BCR: variants seen among roughly 807,000 people sequenced by gnomAD.
BCR encodes breakpoint cluster region protein.
In BCR, 58 loss-of-function variants were observed where a neutral mutation model predicts 138.6. The observed-to-expected ratio is 0.42, with a 90% confidence interval of 0.34 to 0.52. The LOEUF is 0.52. Ranked by LOEUF, BCR falls within the 20% of genes least tolerant of loss-of-function variation. The pLI, the probability that BCR is intolerant of heterozygous loss-of-function variation, is 0.06. For missense variants in BCR, 1,599 were observed against 1,727.2 expected (o/e 0.93, Z 1.32); for synonymous variants, 786 against 730.1 (o/e 1.08, Z -1.23).
At chr22:23,185,964 C>G (rs1371554311) in intron 1 of BCR, among the ~76,000 whole-genome samples, 1 of 151,938 alleles carries the variant, frequency 6.6e-6, no homozygotes, top group Non-Finnish European at 1.5e-5. Flanking sequence ...CTTCTGACCT[C>G]GGGTTCCGCC....
intron 1 of BCR, among the ~76,000 whole-genome samples, chr22:23,204,869 G>T (rs1239766296): frequency 6.6e-6 from 1 of 152,204 alleles, no homozygotes; most frequent in Non-Finnish European, 1.5e-5. Context: ...GCAGGTGGTT[G>T]GCAGCAGGAG....
chr22:23,309,308 G>A (rs917552409), intron 16 of BCR, 116 bp from the exon 17 acceptor site: 20 of 926,018 alleles, frequency 2.2e-5, no homozygotes, highest in African/African-American at 9.9e-5. Flanking sequence ...GGTGCTGGCC[G>A]CAGTCGGGCT....
intron 1 of BCR, among the ~76,000 whole-genome samples, chr22:23,228,410 G>A (rs1267915553): frequency 6.6e-6 from 1 of 152,138 alleles, no homozygotes; most frequent in Non-Finnish European, 1.5e-5. Flanking sequence ...TTTTCCAGGT[G>A]TCATTCTGTT....
chr22:23,253,498 G>C (rs1443658167), intron 1 of BCR, among the ~76,000 whole-genome samples: 4 of 152,200 alleles, frequency 2.6e-5, no homozygotes, highest in Non-Finnish European at 5.9e-5. Flanking sequence ...CTGCATGCCA[G>C]GAAAGTAGAG....
At chr22:23,263,697 C>A in intron 4 of BCR, 2 of 1,395,600 alleles carry the variant, frequency 1.4e-6, no homozygotes, top group Non-Finnish European at 2.0e-6. Context: ...ACAGCACCTT[C>A]GCTGCCAAGT....
At position 23,181,582 on chromosome 22, in the gene BCR, A is replaced by C. The variant is rs1398578616; in HGVS notation, c.622A>C (p.Met208Leu). The C allele has an allele frequency of 6.2e-7, 1 of 1,612,748 alleles. No homozygotes were observed. The highest frequency in any genetic ancestry group is 8.5e-7 in the Non-Finnish European group (1 of 1,179,988). The change falls in exon 1 of 23, where the codon ATG becomes CTG. Residue 208 changes from methionine to leucine, a missense_variant. Coordinates refer to ENST00000305877, the MANE Select transcript of BCR (RefSeq NM_004327.4). ...DRISSLGSQA[M>L]QMERKKSQHG... ...CATCAGCTCCCTGGGCAGCCAGGCC[A>C]TGCAGATGGAGCGCAAAAAGTCCCA...
chr22:23,227,475 A>G lies in BCR; in HGVS notation c.1280-26324A>G, dbSNP rs187821583. On this transcript the variant is annotated intron_variant, in intron 1 of 22. Coordinates refer to ENST00000305877, the MANE Select transcript of BCR (RefSeq NM_004327.4). Reference sequence around the variant, plus strand: ...CATCCTGTAGGACATAAGGAAGAACATCTTGACTGTAAGCATGGTTAAACA... The same window carrying G: ...CATCCTGTAGGACATAAGGAAGAACGTCTTGACTGTAAGCATGGTTAAACA... Among the ~76,000 whole-genome samples the G allele has an allele frequency of 2.6e-5, 4 of 152,378 alleles. No individual in the cohort carries two copies. In the East Asian group the frequency reaches 7.7e-4, roughly 29 times the overall value.
chr22:23,191,164 C>CA (rs1661357160), intron 1 of BCR, among the ~76,000 whole-genome samples: 1 of 152,190 alleles, frequency 6.6e-6, no homozygotes, highest in Non-Finnish European at 1.5e-5. Flanking sequence ...CTCCTGGCCT[C>CA]AAACGATCCT....
intron 1 of BCR, among the ~76,000 whole-genome samples, chr22:23,230,935 A>T (rs1178282425): frequency 2.6e-5 from 4 of 152,122 alleles, no homozygotes; most frequent in Non-Finnish European, 4.4e-5. Context: ...CCACAGGTGG[A>T]GTAGAGGGCA....
Position 23,181,886 on chromosome 22 carries a change from T to C in BCR, c.926T>C (p.Leu309Pro), listed in dbSNP as rs574384780. 1 of 1,613,388 alleles carries C rather than the reference T, an allele frequency of 6.2e-7. No individual in the cohort carries two copies. The highest frequency in any genetic ancestry group is 8.5e-7 in the Non-Finnish European group (1 of 1,179,932). ...SQSTSEQEKR[L>P]TWPRRSYSPR... ...AGCACCTCTGAGCAGGAGAAGCGCC[T>C]TACCTGGCCCCGCAGGTCCTACTCC... is the stretch of plus-strand genomic sequence containing the variant. The change falls in exon 1 of 23, where the codon CTT (leucine) becomes CCT (proline). Residue 309 changes from leucine (L) to proline (P), a missense_variant. By Grantham distance (98) the Leu-to-Pro change is moderately conservative. Coordinates refer to ENST00000305877, the MANE Select transcript of BCR (RefSeq NM_004327.4).
intron 1 of BCR, among the ~76,000 whole-genome samples, chr22:23,192,961 C>G (rs2072433835): frequency 6.6e-6 from 1 of 152,132 alleles, no homozygotes. Context: ...CAGGACACAG[C>G]CAAGGGGACC....
At chr22:23,238,215 GAGGT>G (rs2073047440) in intron 1 of BCR, among the ~76,000 whole-genome samples, 1 of 152,084 alleles carries the variant, frequency 6.6e-6, no homozygotes, top group Non-Finnish European at 1.5e-5. Context: ...GAAAGCCTTG[GAGGT>G]AGGGTGGGGG....
Position 23,288,163 on chromosome 22 carries a change from CAGA to C in BCR, c.2599_2601del (p.Lys867del), listed in dbSNP as rs749914877. 9 of 1,613,868 alleles carry C rather than the reference CAGA, an allele frequency of 5.6e-6. No individual in the cohort carries two copies. Among genetic ancestry groups the C allele is most frequent in the South Asian group, 1.1e-5 (1 of 91,084 alleles). Reference sequence around the variant, plus strand: ...GTGGAGGGAGAACATCCGGGAGCAGCAGAAGAAGTGTGAGTATCCTCTGTCCTG... The same window carrying C: ...GTGGAGGGAGAACATCCGGGAGCAGCAGAAGTGTGAGTATCCTCTGTCCTG... On this transcript the variant is annotated inframe_deletion, in exon 12 of 23. Transcript: ENST00000305877.
At chr22:23,293,209 A>T (rs2073809281) in intron 15 of BCR, among the ~76,000 whole-genome samples, 1 of 152,174 alleles carries the variant, frequency 6.6e-6, no homozygotes, top group Non-Finnish European at 1.5e-5. Context: ...TCCCAGATCC[A>T]TGAGAGGTGC....
At chr22:23,239,118 C>A (rs968555717) in intron 1 of BCR, among the ~76,000 whole-genome samples, 11 of 152,092 alleles carry the variant, frequency 7.2e-5, no homozygotes, top group African/African-American at 2.7e-4. Context: ...TGCATGGAAG[C>A]CCACCTGTCA....
At chr22:23,231,548 T>TAAAATAAAATAAAATA (rs148906561) in intron 1 of BCR, among the ~76,000 whole-genome samples, 3 of 137,862 alleles carry the variant, frequency 2.2e-5, no homozygotes, top group African/African-American at 5.3e-5. Context: ...TAAAATAAAA[T>TAAAATAAAATAAAATA]AAATAAAATA....
At position 23,317,176 on chromosome 22, in the gene BCR, C is replaced by T. The variant is rs543052698; in HGVS notation, c.*1654C>T. The T allele has an allele frequency of 3.3e-5, 6 of 183,294 alleles. No individual in the cohort carries two copies. The highest frequency in any genetic ancestry group is 1.7e-4 in the African/African-American group (6 of 36,220). The allele number at this position is 183,294 out of a possible 1,614,324, so 11.4% of individuals were successfully genotyped here. A position where few individuals can be genotyped will look rare whatever the true frequency, so the allele number is the denominator to read the frequency against. On this transcript the variant is annotated 3_prime_UTR_variant, in exon 23 of 23. Coordinates refer to ENST00000305877, the MANE Select transcript of BCR (RefSeq NM_004327.4). ...CTCACTAGGGAGCCTGACAGTGGGG[C>T]CATGCGCCTGACACTCCTCTCTGCT...
chr22:23,290,816 A>C (rs1346489700), intron 14 of BCR: 1 of 227,118 alleles, frequency 4.4e-6, no homozygotes, highest in Non-Finnish European at 8.9e-6. Flanking sequence ...AGCTGGATGG[A>C]TACTACTTTT....
intron 1 of BCR, chr22:23,250,940 A>G (rs1311001196): frequency 1.3e-5 from 2 of 152,182 alleles, no homozygotes; most frequent in Non-Finnish European, 2.9e-5. Context: ...GAGGGATTAC[A>G]CCACAGCTCA....
Sources: gnomAD v4.1 joint callset for allele counts (sites outside exome capture counted in the v4.1 genomes callset) on GRCh38, gnomAD v4.1.1 for gene constraint, MANE v1.5 for transcripts, NCBI Gene and HGNC (gene_info 2026-07-23, HGNC 2026-07-21) for gene names.